VWA8: variants seen among roughly 807,000 people sequenced by gnomAD.
The protein encoded by VWA8 is von Willebrand factor A domain containing 8, also known as von Willebrand factor A domain-containing protein 8.
Under a neutral mutation model 241.5 loss-of-function variants are expected in VWA8, and 221 were observed. The ratio of observed to expected loss-of-function variants is 0.91; its 90% CI spans 0.82 to 1.02. The LOEUF (loss-of-function observed/expected upper bound fraction) is 1.02, where lower values mean the gene tolerates loss of function less well. Among genes scored for constraint, VWA8 ranks in the 50% least tolerant of loss-of-function variants. VWA8 has a pLI of 0.00. For synonymous variants in VWA8, 852 were observed against 827.1 expected (o/e 1.03, Z -0.52); for missense variants, 2,322 against 2,328.7 (o/e 1.00, Z 0.06).
chr13:41,705,418 A>T (rs1176044045), intron 26 of VWA8, among the ~76,000 whole-genome samples: 1 of 152,192 alleles, frequency 6.6e-6, no homozygotes, highest in Non-Finnish European at 1.5e-5. Context: ...ATAGACTGGG[A>T]TCTCTCTCTT....
At chr13:41,638,832 A>G (rs1304307147) in intron 37 of VWA8, among the ~76,000 whole-genome samples, 1 of 152,162 alleles carries the variant, frequency 6.6e-6, no homozygotes, top group Non-Finnish European at 1.5e-5. Context: ...ATATTAGAGC[A>G]TGTTTAAATG....
At chr13:41,643,832 C>A (rs1187413817) in intron 37 of VWA8, among the ~76,000 whole-genome samples, 2 of 151,754 alleles carry the variant, frequency 1.3e-5, no homozygotes, top group Admixed American at 1.3e-4. Flanking sequence ...AGAGGTCCCA[C>A]TTTGCAATCC....
At chr13:41,851,707 T>C (rs1872539624) in intron 12 of VWA8, among the ~76,000 whole-genome samples, 1 of 152,208 alleles carries the variant, frequency 6.6e-6, no homozygotes, top group Non-Finnish European at 1.5e-5. Context: ...TAAACCTTTT[T>C]CTTCCCAGTC....
chr13:41,598,857 A>G (rs2044504610), intron 40 of VWA8, among the ~76,000 whole-genome samples: 1 of 151,866 alleles, frequency 6.6e-6, no homozygotes, highest in African/African-American at 2.4e-5. Flanking sequence ...TGAAATGTTA[A>G]AATTCCATGA....
At chr13:41,813,714 G>T (rs1049461450) in intron 16 of VWA8, among the ~76,000 whole-genome samples, 9 of 152,088 alleles carry the variant, frequency 5.9e-5, no homozygotes, top group Non-Finnish European at 1.5e-5. Flanking sequence ...AATAACCAGG[G>T]TTGAGAAAAT....
intron 37 of VWA8, among the ~76,000 whole-genome samples, chr13:41,643,992 A>G (rs1293735918): frequency 6.6e-6 from 1 of 152,052 alleles, no homozygotes; most frequent in African/African-American, 2.4e-5. Context: ...TCTGTGAAGG[A>G]GTGAATCTAT....
At chr13:41,852,201 T>C (rs9532937) in intron 12 of VWA8, among the ~76,000 whole-genome samples, 13,051 of 152,276 alleles carry the variant, frequency 0.086, 577 homozygotes, top group East Asian at 0.11. Context: ...ACTTTTTATA[T>C]GTACCTGTTG....
At chr13:41,572,358 A>G (rs1459891435) in intron 43 of VWA8, among the ~76,000 whole-genome samples, 1 of 152,258 alleles carries the variant, frequency 6.6e-6, no homozygotes, top group African/African-American at 2.4e-5. Flanking sequence ...GTCGAATAGA[A>G]AAGGGGGAAA....
intron 2 of VWA8, among the ~76,000 whole-genome samples, chr13:41,938,650 C>CAA (rs367709095): frequency 5.9e-4 from 75 of 128,204 alleles, no homozygotes; most frequent in Admixed American, 7.2e-4. Flanking sequence ...GACTGCGTCT[C>CAA]AAAAAAAAAA....
At chr13:41,826,349 G>A (rs1364160996) in intron 14 of VWA8, among the ~76,000 whole-genome samples, 1 of 152,034 alleles carries the variant, frequency 6.6e-6, no homozygotes, top group Non-Finnish European at 1.5e-5. Context: ...GAAAAGTTAA[G>A]GACAGACCAA....
intron 18 of VWA8, among the ~76,000 whole-genome samples, chr13:41,784,705 T>C (rs866860434): frequency 1.9e-4 from 15 of 78,828 alleles, no homozygotes; most frequent in Middle Eastern, 6.4e-3. Context: ...TACATATATA[T>C]ATATATATAT....
At chr13:41,590,541 T>C (rs2044447484) in intron 41 of VWA8, 99 bp downstream of exon 41, 1 of 1,286,960 alleles carries the variant, frequency 7.8e-7, no homozygotes, top group African/African-American at 1.5e-5. Context: ...GGTTACCATA[T>C]TCAGGATTTG....
In VWA8 at chr13:41,811,318, A is replaced by G. The variant is rs1870460061; in HGVS notation, c.1970T>C (p.Leu657Pro). 1 of 1,610,428 alleles carries G rather than the reference A, an allele frequency of 6.2e-7. No individual in the cohort carries two copies. Among genetic ancestry groups the G allele is most frequent in the Non-Finnish European group, 8.5e-7 (1 of 1,177,256 alleles). Residue 657 changes from leucine (L) to proline (P), a missense_variant, in exon 17 of 45, where the codon CTT becomes CCT. Transcript: ENST00000379310. ...DPTAQSLAAS[L>P]STRQLLRISR... ...AATTCGCAACAGTTGTCTGGTAGAAAGTGATGCCGCTAATGATTGTGCCTA... is the reference window on the plus strand; with the variant it reads ...AATTCGCAACAGTTGTCTGGTAGAAGGTGATGCCGCTAATGATTGTGCCTA...
Position 41,570,542 on chromosome 13 carries a change from A to C in VWA8, c.5535T>G (p.Ala1845=). 6.2e-7 allele frequency: 1 copy of C among 1,614,218 alleles called. No individual in the cohort carries two copies. The highest frequency in any genetic ancestry group is 1.3e-5 in the African/African-American group (1 of 75,056). The change falls in exon 44 of 45, where the codon GCT becomes GCG. Residue 1845 remains alanine, a synonymous_variant. Coordinates refer to ENST00000379310, the MANE Select transcript of VWA8 (RefSeq NM_015058.2). The part of the protein sequence containing the change: ...SRYGIHPAKF[A]QILTRDPQVN... The stretch of plus-strand genomic sequence containing the variant: ...CTTGAGGGTCTCTTGTGAGGATTTG[A>C]GCAAACTTAGCAGGATGTATTCCAT...
chr13:41,641,096 C>T (rs1341344865), intron 37 of VWA8, among the ~76,000 whole-genome samples: 1 of 152,162 alleles, frequency 6.6e-6, no homozygotes, highest in Non-Finnish European at 1.5e-5. Context: ...TTCTAAATTA[C>T]CCTTGTTTTG....
At chr13:41,902,101 T>C (rs887453650) in intron 4 of VWA8, among the ~76,000 whole-genome samples, 1 of 151,440 alleles carries the variant, frequency 6.6e-6, no homozygotes, top group African/African-American at 2.4e-5. Flanking sequence ...TGGTTATTTG[T>C]ACTAGTGAAA....
chr13:41,837,829 G>C (rs892224693), intron 12 of VWA8, among the ~76,000 whole-genome samples: 2 of 152,090 alleles, frequency 1.3e-5, no homozygotes. Context: ...TTCTTATCCT[G>C]AAACTCTTGA....
chr13:41,749,095 T>C (rs1481629678), intron 21 of VWA8, among the ~76,000 whole-genome samples: 4 of 152,108 alleles, frequency 2.6e-5, no homozygotes, highest in African/African-American at 9.7e-5. Context: ...AAGAAAATTT[T>C]TGCAATCTAC....
Position 41,699,268 on chromosome 13 carries a change from T to C in VWA8, c.3367A>G (p.Asn1123Asp). The C allele has an allele frequency of 6.2e-7, 1 of 1,613,962 alleles. No homozygotes were observed. Among genetic ancestry groups the C allele is most frequent in the Non-Finnish European group, 8.5e-7 (1 of 1,179,902 alleles). The part of the protein sequence containing the change: ...IICDIATSHE[N>D]EQNTLYVVTC... ...ACTACATAGAGAGTATTTTGCTCAT[T>C]TTCTGAAATGACAAAAAGGTGTTAA... The change falls in exon 29 of 45, where the codon AAT becomes GAT. Residue 1123 changes from asparagine to aspartate, a missense_variant and splice_region_variant. By Grantham distance (23) the Asn-to-Asp change is conservative (BLOSUM62 1). Transcript: ENST00000379310.
Sources: gnomAD v4.1 joint callset for allele counts (sites outside exome capture counted in the v4.1 genomes callset) on GRCh38, gnomAD v4.1.1 for gene constraint, MANE v1.5 for transcripts, NCBI Gene and HGNC (gene_info 2026-07-23, HGNC 2026-07-21) for gene names.